CSMD1: variants seen among roughly 807,000 people sequenced by gnomAD.
CSMD1 encodes the protein CUB and sushi domain-containing protein 1.
In CSMD1, 213 loss-of-function variants were observed where a neutral mutation model predicts 417.5. The observed-to-expected ratio is 0.51, with a 90% CI of 0.46 to 0.57. The LOEUF (loss-of-function observed/expected upper bound fraction) is 0.57. Ranked by LOEUF, CSMD1 falls within the 20% of genes least tolerant of loss-of-function variation. CSMD1 has a pLI of 0.00. For missense variants in CSMD1, 6,923 were observed against 4,529.7 expected (o/e 1.53, Z -15.17); for synonymous variants, 2,862 against 1,736.8 (o/e 1.65, Z -16.11).
chr8:4,387,272 G>T (rs75408304), intron 3 of CSMD1, among the ~76,000 whole-genome samples: 2 of 152,056 alleles, frequency 1.3e-5, no homozygotes, highest in African/African-American at 2.4e-5. Flanking sequence ...TATAGGAGCA[G>T]ACTTTTTAAA....
intron 1 of CSMD1, among the ~76,000 whole-genome samples, chr8:4,782,306 G>A (rs10087938): frequency 0.1 from 15,230 of 152,060 alleles, 955 homozygotes; most frequent in East Asian, 0.32. Context: ...GAATATGCTA[G>A]TTACCTTGAT....
chr8:4,646,630 A>G (rs934808520), intron 1 of CSMD1, among the ~76,000 whole-genome samples: 1 of 152,158 alleles, frequency 6.6e-6, no homozygotes, highest in Non-Finnish European at 1.5e-5. Flanking sequence ...GTCTTTCCTC[A>G]ACAATGAAGA....
chr8:4,419,384 A>G (rs569339314), intron 3 of CSMD1, among the ~76,000 whole-genome samples: 1 of 152,342 alleles, frequency 6.6e-6, no homozygotes. Flanking sequence ...CATTTAAAAA[A>G]AATTTCTGCC....
intron 3 of CSMD1, among the ~76,000 whole-genome samples, chr8:4,224,329 C>G (rs970090845): frequency 1.3e-5 from 2 of 152,148 alleles, no homozygotes; most frequent in African/African-American, 2.4e-5. Flanking sequence ...TCCAAGAGCA[C>G]ATTTTGGCAG....
chr8:3,723,074 T>G (rs1330782006), intron 6 of CSMD1, among the ~76,000 whole-genome samples: 1 of 152,032 alleles, frequency 6.6e-6, no homozygotes, highest in Non-Finnish European at 1.5e-5. Flanking sequence ...TCTCTTAGAG[T>G]CCTAAGGAAG....
intron 11 of CSMD1, among the ~76,000 whole-genome samples, chr8:3,475,579 A>C (rs1817360058): frequency 6.6e-6 from 1 of 152,202 alleles, no homozygotes; most frequent in Admixed American, 6.5e-5. Flanking sequence ...CTCATCTATG[A>C]AACAAGAGAA....
chr8:3,797,305 T>A (rs1800210089), intron 5 of CSMD1, among the ~76,000 whole-genome samples: 1 of 151,934 alleles, frequency 6.6e-6, no homozygotes, highest in African/African-American at 2.4e-5. Flanking sequence ...AACGCACATG[T>A]CTTTGTTATA....
chr8:4,249,523 G>A (rs1467309321), intron 3 of CSMD1, among the ~76,000 whole-genome samples: 1 of 152,192 alleles, frequency 6.6e-6, no homozygotes, highest in Non-Finnish European at 1.5e-5. Context: ...CTCCTCTACT[G>A]ACGTGCACTG....
At chr8:4,157,557 T>A (rs139689452) in intron 3 of CSMD1, among the ~76,000 whole-genome samples, 2 of 152,172 alleles carry the variant, frequency 1.3e-5, no homozygotes, top group East Asian at 3.9e-4. Flanking sequence ...GACTGTGTTG[T>A]CATTCCCCCG....
At chr8:3,909,180 C>G (rs1268566497) in intron 5 of CSMD1, among the ~76,000 whole-genome samples, 1 of 152,144 alleles carries the variant, frequency 6.6e-6, no homozygotes, top group Non-Finnish European at 1.5e-5. Context: ...CAGGCTGTAG[C>G]TAAGATTTGT....
At chr8:3,498,019 C>T (rs926572237) in intron 10 of CSMD1, among the ~76,000 whole-genome samples, 15 of 152,148 alleles carry the variant, frequency 9.9e-5, no homozygotes, top group East Asian at 1.9e-4. Flanking sequence ...TTTCCTCATC[C>T]GGGAATAATT....
intron 3 of CSMD1, among the ~76,000 whole-genome samples, chr8:4,165,049 G>C (rs530852193): frequency 6.6e-5 from 10 of 152,268 alleles, no homozygotes; most frequent in South Asian, 2.1e-4. Context: ...TATTGGTAGA[G>C]GCTGTGTAGA....
chr8:4,704,066 C>G (rs1352346291), intron 1 of CSMD1, among the ~76,000 whole-genome samples: 2 of 152,198 alleles, frequency 1.3e-5, no homozygotes, highest in African/African-American at 4.8e-5. Context: ...GGCTGCTCAC[C>G]TCCAGCTACG....
At chr8:4,107,192 G>C (rs114812433) in intron 3 of CSMD1, among the ~76,000 whole-genome samples, 3 of 152,168 alleles carry the variant, frequency 2.0e-5, no homozygotes, top group African/African-American at 4.8e-5. Flanking sequence ...CAAAAAGGCT[G>C]AAAAACACTT....
chr8:3,899,526 G>A (rs1032580633), intron 5 of CSMD1, among the ~76,000 whole-genome samples: 7 of 152,138 alleles, frequency 4.6e-5, no homozygotes, highest in African/African-American at 1.4e-4. Flanking sequence ...CTGTCATAAG[G>A]AAGTGGAAAA....
chr8:3,394,017 TATATA>T (rs1563342261), intron 17 of CSMD1, among the ~76,000 whole-genome samples: 2,165 of 77,068 alleles, frequency 0.028, 130 homozygotes, highest in East Asian at 0.1. Context: ...ATAAATTATA[TATATA>T]TATATATATA....
chr8:3,846,429 A>G (rs1302249635), intron 5 of CSMD1, among the ~76,000 whole-genome samples: 5 of 152,140 alleles, frequency 3.3e-5, no homozygotes, highest in East Asian at 3.9e-4. Flanking sequence ...ATTAGCCCCA[A>G]CTGATCAAGA....
At chr8:4,718,168 G>A (rs912250546) in intron 1 of CSMD1, among the ~76,000 whole-genome samples, 2 of 151,932 alleles carry the variant, frequency 1.3e-5, no homozygotes, top group African/African-American at 2.4e-5. Flanking sequence ...GTACAGACAG[G>A]GTCTACCTAT....
chr8:3,824,549 C>G (rs754795742), intron 5 of CSMD1, among the ~76,000 whole-genome samples: 10 of 152,330 alleles, frequency 6.6e-5, no homozygotes, highest in African/African-American at 2.4e-4. Context: ...TTAACATGCA[C>G]TGCAAGGGCA....
Sources: gnomAD v4.1 joint callset for allele counts (sites outside exome capture counted in the v4.1 genomes callset) on GRCh38, gnomAD v4.1.1 for gene constraint, MANE v1.5 for transcripts, NCBI Gene and HGNC (gene_info 2026-07-23, HGNC 2026-07-21) for gene names.